RRM2: variants seen among roughly 807,000 people sequenced by gnomAD.
The protein encoded by RRM2 is ribonucleotide reductase regulatory subunit M2.
RRM2 carries 6 observed loss-of-function variants against 45.9 expected under a neutral mutation model. That is an observed-to-expected ratio of 0.13 (90% CI 0.07 to 0.26). The LOEUF (loss-of-function observed/expected upper bound fraction) is 0.26. Ranked by LOEUF, RRM2 falls within the 10% of genes least tolerant of loss-of-function variation. The pLI, the probability that RRM2 is intolerant of heterozygous loss-of-function variation, is 1.00. For synonymous variants in RRM2, 177 were observed against 173.0 expected, an observed-to-expected ratio of 1.02 and a Z score of -0.18; for missense variants, 343 against 489.5, an observed-to-expected ratio of 0.70 and a Z score of 2.82.
At position 10,195,641 on chromosome 2, in the gene RRM2, G is replaced by T. The variant is rs975596116; in HGVS notation, n.483-14670G>T. Among the ~76,000 whole-genome samples, 2 of 152,142 alleles carry T rather than the reference G, an allele frequency of 1.3e-5. No individual in the cohort carries two copies. The highest frequency in any genetic ancestry group is 4.8e-5 in the African/African-American group (2 of 41,422). On this transcript the variant is annotated intron_variant and non_coding_transcript_variant, in intron 3 of 3. Coordinates refer to the RRM2 transcript ENST00000381786. The surrounding 1 kb of genome is among the most constrained non-coding windows in gnomAD (Gnocchi z 4.9). ...GGGAGAAGAGGTCGCGGTGAGCCTC[G>T]GGTGGACCCATGTGGCAGACCTGTG...
intron 3 of RRM2, among the ~76,000 whole-genome samples, chr2:10,182,750 C>T (rs1306949827): frequency 6.6e-6 from 1 of 152,202 alleles, no homozygotes; most frequent in Admixed American, 6.5e-5. Context: ...CCAAGTCGCT[C>T]CTCTCCCTCC....
At chr2:10,133,798 C>G (rs972541146), downstream of RRM2, among the ~76,000 whole-genome samples, 2 of 150,952 alleles carry the variant, frequency 1.3e-5, no homozygotes, top group African/African-American at 4.9e-5. Context: ...GCTCTAGAGA[C>G]TGGAGTGGCT....
chr2:10,203,525 CAG>C (rs1168946602), intron 3 of RRM2, among the ~76,000 whole-genome samples: 16 of 152,244 alleles, frequency 1.1e-4, no homozygotes, highest in Non-Finnish European at 1.3e-4. Context: ...CTGAGGCGGA[CAG>C]ATCACAAGGT....
At position 10,180,578 on chromosome 2, in the gene RRM2, C is replaced by T. The variant is rs541730777; in HGVS notation, n.483-29733C>T. On this transcript the variant is annotated intron_variant and non_coding_transcript_variant, in intron 3 of 3. Transcript: ENST00000381786. ...GGCCCCTTCTCCCCTCTGGATGAAC[C>T]TCAGGCCTCCAGGGCTCCTGCCTCC... Among the ~76,000 whole-genome samples the T allele has an allele frequency of 1.6e-4, 25 of 152,260 alleles. No homozygotes were observed. In the South Asian group the frequency reaches 5.0e-3, roughly 30 times the overall value.
At chr2:10,187,192 G>A (rs1437161268) in intron 3 of RRM2, among the ~76,000 whole-genome samples, 2 of 152,204 alleles carry the variant, frequency 1.3e-5, no homozygotes, top group Non-Finnish European at 2.9e-5. Flanking sequence ...CCCTGATGCT[G>A]CTGGGGCCGC....
chr2:10,146,828 A>G (rs1018802604), intron 3 of RRM2, among the ~76,000 whole-genome samples: 2 of 152,176 alleles, frequency 1.3e-5, no homozygotes, highest in African/African-American at 2.4e-5. Flanking sequence ...TAGTGAGGAA[A>G]TGCCTGCGTT....
chr2:10,201,148 CAA>C (rs146526701), intron 3 of RRM2, among the ~76,000 whole-genome samples: 7 of 121,044 alleles, frequency 5.8e-5, no homozygotes, highest in Admixed American at 1.7e-4. Flanking sequence ...GATTCCATCT[CAA>C]AAAAAAAAAA....
At chr2:10,202,767 C>G (rs555147366) in intron 3 of RRM2, among the ~76,000 whole-genome samples, 12 of 152,118 alleles carry the variant, frequency 7.9e-5, no homozygotes, top group Non-Finnish European at 1.3e-4. Flanking sequence ...GGTTTTTAAT[C>G]AAGAGGAACT....
intron 3 of RRM2, among the ~76,000 whole-genome samples, chr2:10,159,714 C>T (rs1490312784): frequency 6.6e-6 from 1 of 152,200 alleles, no homozygotes; most frequent in East Asian, 1.9e-4. Flanking sequence ...TGTGTGTTCA[C>T]ACACACAGAG....
intron 3 of RRM2, among the ~76,000 whole-genome samples, chr2:10,196,568 A>T (rs866039625): frequency 2.6e-5 from 4 of 152,140 alleles, no homozygotes; most frequent in African/African-American, 9.7e-5. Flanking sequence ...TGAAGAGTCC[A>T]GGACCAGCCG....
At chr2:10,187,992 G>A (rs1664205021) in intron 3 of RRM2, among the ~76,000 whole-genome samples, 1 of 152,206 alleles carries the variant, frequency 6.6e-6, no homozygotes, top group Non-Finnish European at 1.5e-5. Flanking sequence ...CAGAAACTCG[G>A]GGCGGTGGGG....
At chr2:10,166,454 G>A (rs1442634656) in intron 3 of RRM2, among the ~76,000 whole-genome samples, 1 of 152,234 alleles carries the variant, frequency 6.6e-6, no homozygotes, top group Non-Finnish European at 1.5e-5. Flanking sequence ...ACAGAGCCTG[G>A]TCTCTCAGGG....
At position 10,192,387 on chromosome 2, in the gene RRM2, C is replaced by T. The variant is rs145918146; in HGVS notation, n.483-17924C>T. Reference sequence around the variant, plus strand: ...GTAGAGGAGGAAAGGACTTCTCCAACCGTGGTGACTCTAGAACCTCTCCCT... The same window carrying T: ...GTAGAGGAGGAAAGGACTTCTCCAATCGTGGTGACTCTAGAACCTCTCCCT... On this transcript the variant is annotated intron_variant and non_coding_transcript_variant, in intron 3 of 3. Coordinates refer to the RRM2 transcript ENST00000381786. Among the ~76,000 whole-genome samples, 97 of 152,316 alleles carry T rather than the reference C, an allele frequency of 6.4e-4. No individual in the cohort carries two copies. The East Asian group carries it at 0.016, about 26-fold the overall frequency.
chr2:10,160,352 C>CA (rs1299174141), intron 3 of RRM2, among the ~76,000 whole-genome samples: 3 of 152,216 alleles, frequency 2.0e-5, no homozygotes, highest in Non-Finnish European at 4.4e-5. Flanking sequence ...TGGTTAATCC[C>CA]AGGGTCCCTG....
intron 3 of RRM2, among the ~76,000 whole-genome samples, chr2:10,178,763 C>T (rs914358497): frequency 6.6e-6 from 1 of 152,156 alleles, no homozygotes; most frequent in Non-Finnish European, 1.5e-5. Context: ...GAATCTCACA[C>T]CCAATATAAT....
At chr2:10,197,809 C>G (rs756603215) in intron 3 of RRM2, among the ~76,000 whole-genome samples, 1 of 152,120 alleles carries the variant, frequency 6.6e-6, no homozygotes, top group African/African-American at 2.4e-5. Flanking sequence ...TTCCCAGGGC[C>G]CAGCAGAGCC....
At chr2:10,144,580 C>T (rs1039312821) in intron 3 of RRM2, among the ~76,000 whole-genome samples, 4 of 152,172 alleles carry the variant, frequency 2.6e-5, no homozygotes, top group East Asian at 1.9e-4. Flanking sequence ...TTCCATGATC[C>T]GCAACAAACT....
intron 3 of RRM2, among the ~76,000 whole-genome samples, chr2:10,164,316 A>G (rs1034544720): frequency 3.9e-5 from 6 of 152,086 alleles, no homozygotes; most frequent in Non-Finnish European, 2.9e-5. Flanking sequence ...CTGTTTTCTT[A>G]TTTGTAAGTA....
At chr2:10,166,840 T>C (rs1334864133) in intron 3 of RRM2, among the ~76,000 whole-genome samples, 1 of 152,218 alleles carries the variant, frequency 6.6e-6, no homozygotes, top group Non-Finnish European at 1.5e-5. Context: ...CGTGTCTAGA[T>C]GGTGATGGTT....
Sources: allele counts gnomAD v4.1 joint callset (sites outside exome capture counted in the v4.1 genomes callset), GRCh38; gene constraint gnomAD v4.1.1; non-coding constraint Gnocchi (gnomAD v3.1); transcripts MANE v1.5; gene names NCBI Gene and HGNC (gene_info 2026-07-23, HGNC 2026-07-21).